Variants in SEL1L2 observed in about 807,000 individuals in gnomAD.
SEL1L2 encodes the protein SEL1L2 adaptor subunit of SYVN1 ubiquitin ligase.
Under a neutral mutation model 98.8 loss-of-function variants are expected in SEL1L2, and 89 were observed. The ratio of observed to expected loss-of-function variants is 0.90; its 90% confidence interval spans 0.76 to 1.07. The LOEUF is 1.07. Among genes scored for constraint, SEL1L2 ranks in the 50% least tolerant of loss-of-function variants. The probability of loss-of-function intolerance (pLI) is 0.00; values close to 1 mark genes in which losing one functional copy is unlikely to be tolerated. For synonymous variants in SEL1L2, 262 were observed against 278.5 expected (o/e 0.94, Z 0.59); for missense variants, 788 against 812.0 (o/e 0.97, Z 0.36).
intron 2 of SEL1L2, among the ~76,000 whole-genome samples, chr20:13,938,273 G>T (rs911886974): frequency 6.6e-6 from 1 of 151,890 alleles, no homozygotes; most frequent in Non-Finnish European, 1.5e-5. Flanking sequence ...TAGAGATGGG[G>T]TTTCACCATG....
intron 12 of SEL1L2, among the ~76,000 whole-genome samples, chr20:13,871,128 A>T (rs243914): frequency 3.9e-5 from 6 of 151,964 alleles, no homozygotes; most frequent in Non-Finnish European, 7.4e-5. Context: ...TCAGGTCTAC[A>T]GAGGTTGACG....
At chr20:13,918,514 A>G (rs2048508553) in intron 4 of SEL1L2, among the ~76,000 whole-genome samples, 1 of 152,156 alleles carries the variant, frequency 6.6e-6, no homozygotes, top group Non-Finnish European at 1.5e-5. Context: ...ACCTCACTTT[A>G]ACATCTTTGA....
intron 1 of SEL1L2, 138 bp from the exon 2 acceptor site, chr20:13,956,269 T>C (rs918507958): frequency 7.3e-6 from 4 of 550,430 alleles, no homozygotes; most frequent in Middle Eastern, 4.8e-4. Context: ...ATTTATAATT[T>C]AGAGTTCCTA....
intron 10 of SEL1L2, 118 bp downstream of exon 10, chr20:13,885,228 AT>A: frequency 1.4e-6 from 1 of 715,598 alleles, no homozygotes; most frequent in African/African-American, 1.7e-5. Flanking sequence ...CCAAGGAAGC[AT>A]CAGTGGGCTT....
intron 1 of SEL1L2, among the ~76,000 whole-genome samples, chr20:13,987,309 CTG>C (rs1406148843): frequency 5.2e-5 from 4 of 76,300 alleles, no homozygotes; most frequent in Non-Finnish European, 1.0e-4. Flanking sequence ...TGTTAATTTA[CTG>C]TTTTTTTTTT....
intron 2 of SEL1L2, among the ~76,000 whole-genome samples, chr20:13,946,151 G>A (rs1431623443): frequency 6.6e-6 from 1 of 151,768 alleles, no homozygotes; most frequent in Non-Finnish European, 1.5e-5. Context: ...ATTTATCTAG[G>A]GAAAAGTTAT....
At position 13,961,626 on chromosome 20, in the gene SEL1L2, G is replaced by A. The variant is rs563187681; in HGVS notation, c.59-5495C>T. On this transcript the variant is annotated intron_variant, in intron 1 of 19. Coordinates refer to ENST00000284951, the MANE Select transcript of SEL1L2 (RefSeq NM_025229.2). ...GGCCTCTGGGCCTCCATCTTTCTAGGAATAGGAGACAGCATGAGAAAGCTA... is the reference window on the plus strand; with the variant it reads ...GGCCTCTGGGCCTCCATCTTTCTAGAAATAGGAGACAGCATGAGAAAGCTA... Among the ~76,000 whole-genome samples the A allele has an allele frequency of 4.6e-5, 7 of 152,318 alleles. No individual in the cohort carries two copies. In the South Asian group the frequency reaches 1.5e-3, roughly 32 times the overall value.
chr20:13,963,391 CAAAAAAAAAAAA>C (rs67070339), intron 1 of SEL1L2, among the ~76,000 whole-genome samples: 9 of 48,168 alleles, frequency 1.9e-4, no homozygotes, highest in Non-Finnish European at 2.2e-4. Flanking sequence ...TCTGGAGCAG[CAAAAAAAAAAAA>C]AAAAAAAAAA....
At chr20:13,918,028 C>G (rs969082493) in intron 4 of SEL1L2, among the ~76,000 whole-genome samples, 2 of 151,916 alleles carry the variant, frequency 1.3e-5, no homozygotes, top group Non-Finnish European at 2.9e-5. Context: ...TGACCTCAAG[C>G]AATCTGCTAG....
intron 2 of SEL1L2, among the ~76,000 whole-genome samples, chr20:13,932,187 G>C (rs1267029568): frequency 2.0e-5 from 3 of 151,782 alleles, no homozygotes; most frequent in Non-Finnish European, 2.9e-5. Context: ...CTTCTGACTG[G>C]CTTTAAAAAA....
At chr20:13,927,410 A>T (rs1170747676) in intron 3 of SEL1L2, among the ~76,000 whole-genome samples, 1 of 152,220 alleles carries the variant, frequency 6.6e-6, no homozygotes, top group Admixed American at 6.5e-5. Flanking sequence ...GCTACTTGTT[A>T]TATGTGAGAA....
chr20:13,913,663 C>T (rs1483351406), intron 5 of SEL1L2, 119 bp downstream of exon 5: 2 of 918,304 alleles, frequency 2.2e-6, no homozygotes, highest in Non-Finnish European at 3.0e-6. Context: ...TTATGGTAAC[C>T]TCCCTAGACT....
chr20:13,907,761 CTTTTCTTTTT>C (rs2048024030), intron 5 of SEL1L2, among the ~76,000 whole-genome samples: 1 of 102,314 alleles, frequency 9.8e-6, no homozygotes, highest in Non-Finnish European at 2.1e-5. Flanking sequence ...CTTTTCTTTT[CTTTTCTTTTT>C]TTTTCTTTAT....
At chr20:13,949,969 G>A (rs1430785982) in intron 2 of SEL1L2, among the ~76,000 whole-genome samples, 3 of 152,136 alleles carry the variant, frequency 2.0e-5, no homozygotes, top group Non-Finnish European at 4.4e-5. Flanking sequence ...ATTAATGAAT[G>A]AATGAATGAA....
intron 4 of SEL1L2, among the ~76,000 whole-genome samples, chr20:13,916,622 A>G (rs1479392918): frequency 6.6e-6 from 1 of 152,162 alleles, no homozygotes; most frequent in Non-Finnish European, 1.5e-5. Flanking sequence ...CCTGACCAAC[A>G]TGGCGAAACC....
intron 2 of SEL1L2, among the ~76,000 whole-genome samples, chr20:13,941,054 C>T (rs977944961): frequency 3.3e-5 from 5 of 152,052 alleles, no homozygotes; most frequent in African/African-American, 9.7e-5. Flanking sequence ...GTACTGACTC[C>T]GTGTTAGAGA....
At chr20:13,960,373 A>G (rs188061026) in intron 1 of SEL1L2, among the ~76,000 whole-genome samples, 3 of 152,324 alleles carry the variant, frequency 2.0e-5, no homozygotes, top group African/African-American at 7.2e-5. Flanking sequence ...CATCGAAAGT[A>G]GGATAAGTGT....
intron 1 of SEL1L2, among the ~76,000 whole-genome samples, chr20:13,965,167 G>C (rs573130864): frequency 2.0e-5 from 3 of 152,190 alleles, no homozygotes; most frequent in African/African-American, 7.2e-5. Flanking sequence ...CACTTAAGAA[G>C]TAAAGCCCTG....
intron 10 of SEL1L2, among the ~76,000 whole-genome samples, chr20:13,880,600 T>TCATC (rs35310861): frequency 0.31 from 46,753 of 149,600 alleles, 7,403 homozygotes; most frequent in South Asian, 0.39. Flanking sequence ...GATCAAGTAC[T>TCATC]CATCCATCCA....
Sources: gnomAD v4.1 joint callset for allele counts (sites outside exome capture counted in the v4.1 genomes callset) on GRCh38, gnomAD v4.1.1 for gene constraint, MANE v1.5 for transcripts, NCBI Gene and HGNC (gene_info 2026-07-23, HGNC 2026-07-21) for gene names.